BEND6: variants seen among roughly 807,000 people sequenced by gnomAD.
BEND6 encodes the protein BEN domain-containing protein 6.
A neutral mutation model predicts 31.8 loss-of-function variants in BEND6; 24 were observed. The observed-to-expected ratio is 0.75, with a 90% CI of 0.55 to 1.06. The LOEUF is 1.06. BEND6 is among the 50% of genes least tolerant of loss of function. The pLI, the probability that BEND6 is intolerant of heterozygous loss-of-function variation, is 0.00. For missense variants in BEND6, 294 were observed against 327.4 expected, an observed-to-expected ratio of 0.90 and a Z score of 0.79; for synonymous variants, 109 against 114.6, an observed-to-expected ratio of 0.95 and a Z score of 0.31.
chr6:57,018,389 G>A (rs1670568161), intron 5 of BEND6, 32 bp from the exon 6 acceptor site: 4 of 1,564,588 alleles, frequency 2.6e-6, no homozygotes, highest in Non-Finnish European at 3.4e-6. Context: ...CACTCATGAA[G>A]TTTCTCATGT....
At chr6:57,024,731 C>T (rs1461575478) in intron 6 of BEND6, among the ~76,000 whole-genome samples, 1 of 152,130 alleles carries the variant, frequency 6.6e-6, no homozygotes, top group African/African-American at 2.4e-5. Flanking sequence ...CCTTCCTGTA[C>T]CTGGATATTT....
At chr6:56,994,153 A>G (rs1029302456) in intron 3 of BEND6, among the ~76,000 whole-genome samples, 1 of 151,950 alleles carries the variant, frequency 6.6e-6, no homozygotes, top group Non-Finnish European at 1.5e-5. Flanking sequence ...ATTAGCATGA[A>G]TTGCTAGTTA....
chr6:56,975,293 A>C (rs1825833702), intron 1 of BEND6, among the ~76,000 whole-genome samples: 1 of 144,830 alleles, frequency 6.9e-6, no homozygotes, highest in Non-Finnish European at 1.5e-5. Context: ...ATAATCATTC[A>C]ATATTATAGT....
At chr6:56,967,187 G>C (rs1825513469) in intron 1 of BEND6, among the ~76,000 whole-genome samples, 1 of 152,202 alleles carries the variant, frequency 6.6e-6, no homozygotes, top group African/African-American at 2.4e-5. Flanking sequence ...ATCAGTCAGA[G>C]TTCTGGCAAG....
chr6:56,965,550 A>G (rs988693357), intron 1 of BEND6, among the ~76,000 whole-genome samples: 16 of 151,778 alleles, frequency 1.1e-4, no homozygotes, highest in Non-Finnish European at 2.1e-4. Context: ...AGTGAGAGAG[A>G]AAAATGCATT....
At chr6:57,013,483 C>T (rs1318433279) in intron 3 of BEND6, among the ~76,000 whole-genome samples, 1 of 152,180 alleles carries the variant, frequency 6.6e-6, no homozygotes, top group Non-Finnish European at 1.5e-5. Context: ...CATGATTGAT[C>T]GGTTGATTGA....
chr6:56,997,928 T>C (rs2127869812), intron 3 of BEND6, among the ~76,000 whole-genome samples: 1 of 151,848 alleles, frequency 6.6e-6, no homozygotes, highest in East Asian at 1.9e-4. Context: ...GAAAACTCAA[T>C]GAACAAAACA....
intron 6 of BEND6, 120 bp downstream of exon 6, chr6:57,018,677 C>T: frequency 1.9e-6 from 2 of 1,044,684 alleles, no homozygotes; most frequent in Non-Finnish European, 2.5e-6. Context: ...CCATGAAAAG[C>T]TAATAGGTAT....
At chr6:57,022,156 T>C (rs866225008) in intron 6 of BEND6, among the ~76,000 whole-genome samples, 1 of 140,444 alleles carries the variant, frequency 7.1e-6, no homozygotes, top group Non-Finnish European at 1.6e-5. Flanking sequence ...TTTTCTTTTT[T>C]TCTTTTTCTT....
chr6:56,971,090 T>A (rs1273455760), intron 1 of BEND6, among the ~76,000 whole-genome samples: 1 of 152,174 alleles, frequency 6.6e-6, no homozygotes. Flanking sequence ...CTTTTCATCT[T>A]ACAAAACTGA....
intron 1 of BEND6, among the ~76,000 whole-genome samples, chr6:56,966,669 T>C (rs1825491437): frequency 6.6e-6 from 1 of 152,336 alleles, no homozygotes. Context: ...ATTTCTGTGC[T>C]ATTACCTCTG....
chr6:56,989,846 G>A (rs1035825111), intron 2 of BEND6, among the ~76,000 whole-genome samples: 3 of 152,060 alleles, frequency 2.0e-5, no homozygotes, highest in Non-Finnish European at 2.9e-5. Flanking sequence ...TCCACCAGTT[G>A]TGATGTGTTT....
At chr6:56,993,605 C>T (rs1248229268) in intron 3 of BEND6, among the ~76,000 whole-genome samples, 1 of 152,208 alleles carries the variant, frequency 6.6e-6, no homozygotes, top group African/African-American at 2.4e-5. Flanking sequence ...AAATTAAAGG[C>T]TTCATACTTT....
chr6:56,976,845 A>C (rs1010845019), intron 1 of BEND6, among the ~76,000 whole-genome samples: 5 of 152,242 alleles, frequency 3.3e-5, no homozygotes, highest in Non-Finnish European at 7.3e-5. Flanking sequence ...GATTACAGGC[A>C]TGAGCACTGC....
chr6:56,956,022 C>G (rs1025415615), intron 1 of BEND6, among the ~76,000 whole-genome samples: 1 of 152,222 alleles, frequency 6.6e-6, no homozygotes. Flanking sequence ...GCCACCTGGC[C>G]AGGAAGCGGC....
chr6:56,988,631 TACTAAAACTC>T (rs546411291), intron 2 of BEND6, among the ~76,000 whole-genome samples: 96 of 152,246 alleles, frequency 6.3e-4, no homozygotes, highest in African/African-American at 2.0e-3. Flanking sequence ...CCTAAAACAT[TACTAAAACTC>T]ATAACTTCCT....
chr6:56,991,002 A>G (rs1826477024), intron 2 of BEND6, among the ~76,000 whole-genome samples: 1 of 152,230 alleles, frequency 6.6e-6, no homozygotes, highest in Non-Finnish European at 1.5e-5. Context: ...TGGACACTCA[A>G]CAAATAATTT....
chr6:57,012,877 C>T (rs1827393981), intron 3 of BEND6, among the ~76,000 whole-genome samples: 1 of 152,110 alleles, frequency 6.6e-6, no homozygotes, highest in South Asian at 2.1e-4. Flanking sequence ...TAGATTTGGC[C>T]TTCATTCAGT....
chr6:56,967,522 A>G (rs1275244201), intron 1 of BEND6, among the ~76,000 whole-genome samples: 1 of 152,136 alleles, frequency 6.6e-6, no homozygotes, highest in Non-Finnish European at 1.5e-5. Context: ...TCAGCTGAAA[A>G]GAGAGTTCGG....
Sources: gnomAD v4.1 joint callset for allele counts (sites outside exome capture counted in the v4.1 genomes callset) on GRCh38, gnomAD v4.1.1 for gene constraint, MANE v1.5 for transcripts, NCBI Gene and HGNC (gene_info 2026-07-23, HGNC 2026-07-21) for gene names.